The following KATNIP variants were observed in gnomAD, a reference collection of about 807,000 sequenced individuals.
The protein encoded by KATNIP is katanin-interacting protein.
Under a neutral mutation model 174.0 loss-of-function variants are expected in KATNIP, and 126 were observed. The observed-to-expected ratio is 0.72, with a 90% CI of 0.63 to 0.84. KATNIP has a LOEUF of 0.84. KATNIP is among the 40% of genes least tolerant of loss of function. The probability of loss-of-function intolerance (pLI) is 0.00; values close to 1 mark genes in which losing one functional copy is unlikely to be tolerated. For synonymous variants in KATNIP, 810 were observed against 835.7 expected, an observed-to-expected ratio of 0.97 and a Z score of 0.53; for missense variants, 1,958 against 2,109.7, an observed-to-expected ratio of 0.93 and a Z score of 1.41.
At chr16:27,686,030 G>T (rs981670095) in intron 8 of KATNIP, among the ~76,000 whole-genome samples, 5 of 152,206 alleles carry the variant, frequency 3.3e-5, no homozygotes, top group Non-Finnish European at 5.9e-5. Flanking sequence ...CAGCTTCTTG[G>T]CTGAGCCCCA....
chr16:27,582,163 A>G (rs1303716550), intron 2 of KATNIP, among the ~76,000 whole-genome samples: 1 of 152,180 alleles, frequency 6.6e-6, no homozygotes, highest in East Asian at 1.9e-4. Flanking sequence ...CTAGCGCGCA[A>G]ACTGCAGATA....
chr16:27,673,608 T>G (rs1238649852), intron 6 of KATNIP, among the ~76,000 whole-genome samples: 1 of 152,178 alleles, frequency 6.6e-6, no homozygotes, highest in Admixed American at 6.5e-5. Flanking sequence ...CATTCTGTTA[T>G]GTTTAGCAGC....
chr16:27,757,110 G>A (rs2081762224), intron 18 of KATNIP, among the ~76,000 whole-genome samples: 1 of 152,066 alleles, frequency 6.6e-6, no homozygotes, highest in East Asian at 1.9e-4. Flanking sequence ...TTTGAGACAG[G>A]GTCTCACTCT....
intron 2 of KATNIP, among the ~76,000 whole-genome samples, chr16:27,605,882 C>G (rs1274286167): frequency 6.6e-6 from 1 of 152,202 alleles, no homozygotes; most frequent in East Asian, 1.9e-4. Context: ...GTAATCCCAG[C>G]ACTTTGGGAG....
intron 14 of KATNIP, among the ~76,000 whole-genome samples, chr16:27,737,331 C>T (rs1279167521): frequency 6.6e-6 from 1 of 152,088 alleles, no homozygotes; most frequent in Admixed American, 6.5e-5. Context: ...GCAGTGAACC[C>T]TGATCGAGCC....
chr16:27,727,184 T>C (rs201588346), intron 14 of KATNIP: 13 of 188,518 alleles, frequency 6.9e-5, no homozygotes, highest in Non-Finnish European at 1.2e-4. Context: ...TGGAGGATGT[T>C]TGTTTGTTTG....
chr16:27,645,068 C>G (rs2076918628), intron 5 of KATNIP, among the ~76,000 whole-genome samples: 1 of 152,200 alleles, frequency 6.6e-6, no homozygotes, highest in South Asian at 2.1e-4. Context: ...TCCAACACAG[C>G]CAGCTTTACC....
chr16:27,737,606 G>A (rs2080945710), intron 14 of KATNIP, among the ~76,000 whole-genome samples: 1 of 152,212 alleles, frequency 6.6e-6, no homozygotes. Context: ...CGTTCAAAGT[G>A]CAGCCGAAGA....
intron 1 of KATNIP, among the ~76,000 whole-genome samples, chr16:27,552,237 G>C (rs2089411314): frequency 6.6e-6 from 1 of 152,062 alleles, no homozygotes; most frequent in African/African-American, 2.4e-5. Flanking sequence ...TGCTGTTTTG[G>C]CTGGTGTGTA....
intron 4 of KATNIP, 60 bp downstream of exon 4, chr16:27,628,890 G>A (rs2142145579): frequency 2.6e-6 from 4 of 1,549,658 alleles, no homozygotes; most frequent in Non-Finnish European, 3.5e-6. Context: ...ATTAGGGGCA[G>A]GGTGCAGTGG....
Position 27,688,060 on chromosome 16 carries a change from C to T in KATNIP, c.940+6530C>T, listed in dbSNP as rs114500727. Among the ~76,000 whole-genome samples the T allele has an allele frequency of 6.7e-3, 1,028 of 152,314 alleles. 6 individuals carry two copies. Among genetic ancestry groups the T allele is most frequent in the African/African-American group, 0.023 (972 of 41,568 alleles). On this transcript the variant is annotated intron_variant, in intron 8 of 27. Coordinates refer to ENST00000261588, the MANE Select transcript of KATNIP (RefSeq NM_015202.5). ...CAGATGGTCTCTCGGGAAGCTGTTT[C>T]ATCACTTAGCTTTACACTTCTCTAG...
chr16:27,657,082 A>G (rs1175647833), intron 6 of KATNIP, among the ~76,000 whole-genome samples: 1 of 152,176 alleles, frequency 6.6e-6, no homozygotes, highest in African/African-American at 2.4e-5. Flanking sequence ...ATAATATTGT[A>G]TTGATGTTAA....
intron 18 of KATNIP, among the ~76,000 whole-genome samples, chr16:27,756,124 C>T (rs1432940043): frequency 1.3e-5 from 2 of 152,148 alleles, no homozygotes; most frequent in East Asian, 1.9e-4. Flanking sequence ...GGCCCTTCTG[C>T]GACCGCATCT....
intron 6 of KATNIP, among the ~76,000 whole-genome samples, chr16:27,673,628 G>A (rs138769430): frequency 6.6e-6 from 1 of 152,142 alleles, no homozygotes; most frequent in Non-Finnish European, 1.5e-5. Flanking sequence ...CATCCCTGGT[G>A]TCCATGTAAT....
chr16:27,720,706 A>G (rs1211644498), intron 13 of KATNIP, among the ~76,000 whole-genome samples: 1 of 151,800 alleles, frequency 6.6e-6, no homozygotes, highest in Non-Finnish European at 1.5e-5. Flanking sequence ...ATTTAACTGA[A>G]TTCCCCAGAT....
chr16:27,653,713 C>T (rs1317807156), intron 6 of KATNIP, among the ~76,000 whole-genome samples: 1 of 151,170 alleles, frequency 6.6e-6, no homozygotes, highest in Non-Finnish European at 1.5e-5. Flanking sequence ...GGCTGGAGTG[C>T]AGTAGCACAA....
chr16:27,761,312 C>G lies in KATNIP; in HGVS notation c.3632-101C>G. ...GCACTTTGGGTCTGGGTTGAAGTTGCTAGAATATAGAGGCCGAATAGCATT... is the reference window on the plus strand; with the variant it reads ...GCACTTTGGGTCTGGGTTGAAGTTGGTAGAATATAGAGGCCGAATAGCATT... On this transcript the variant is annotated intron_variant, in intron 18 of 27. Coordinates refer to ENST00000261588, the MANE Select transcript of KATNIP (RefSeq NM_015202.5). 4 of 1,274,366 alleles carry G rather than the reference C, an allele frequency of 3.1e-6. No individual in the cohort carries two copies. In the South Asian group the frequency reaches 6.0e-5, roughly 19 times the overall value. The allele number at this position is 1,274,366 out of a possible 1,614,324, so 78.9% of individuals were successfully genotyped here. A position where few individuals can be genotyped will look rare whatever the true frequency, so the allele number is the denominator to read the frequency against.
intron 6 of KATNIP, chr16:27,660,044 A>T: frequency 5.1e-6 from 5 of 975,824 alleles, no homozygotes; most frequent in Non-Finnish European, 6.1e-6. Flanking sequence ...TGTTTTAGGG[A>T]GGAGAAATAC....
intron 17 of KATNIP, 116 bp from the exon 18 acceptor site, chr16:27,754,057 A>T (rs1246493415): frequency 6.1e-6 from 5 of 824,182 alleles, no homozygotes; most frequent in Admixed American, 2.0e-5. Context: ...AAAACACACA[A>T]GGACTTACCT....
Sources: gnomAD v4.1 joint callset for allele counts (sites outside exome capture counted in the v4.1 genomes callset) on GRCh38, gnomAD v4.1.1 for gene constraint, MANE v1.5 for transcripts, NCBI Gene and HGNC (gene_info 2026-07-23, HGNC 2026-07-21) for gene names.